Variants in CANX observed in about 807,000 individuals in gnomAD.
The protein encoded by CANX is epididymis secretory sperm binding protein.
A neutral mutation model predicts 75.7 loss-of-function variants in CANX; 14 were observed. That is an observed-to-expected ratio of 0.19 (90% CI 0.12 to 0.29). The LOEUF (loss-of-function observed/expected upper bound fraction) is 0.29, where lower values mean the gene tolerates loss of function less well. Among genes scored for constraint, CANX ranks in the 10% least tolerant of loss-of-function variants. CANX has a pLI of 1.00. For missense variants in CANX, 567 were observed against 713.2 expected, an observed-to-expected ratio of 0.79 and a Z score of 2.34; for synonymous variants, 227 against 236.9, an observed-to-expected ratio of 0.96 and a Z score of 0.38.
chr5:179,721,891 CATAG>C (rs1778332858), intron 10 of CANX, among the ~76,000 whole-genome samples: 2 of 151,888 alleles, frequency 1.3e-5, no homozygotes, highest in African/African-American at 4.8e-5. Flanking sequence ...AGGATCTTGG[CATAG>C]TATATGTATA....
At chr5:179,682,490 C>A (rs780629555) in intron 1 of CANX, among the ~76,000 whole-genome samples, 3 of 152,056 alleles carry the variant, frequency 2.0e-5, no homozygotes, top group Non-Finnish European at 4.4e-5. Flanking sequence ...GCAGGCAAAT[C>A]ACCTGAGGTT....
At chr5:179,687,958 C>T (rs1776219461) in intron 1 of CANX, among the ~76,000 whole-genome samples, 1 of 151,828 alleles carries the variant, frequency 6.6e-6, no homozygotes, top group African/African-American at 2.4e-5. Context: ...TCACTTAAAC[C>T]CAGGAGGTGG....
chr5:179,683,715 G>C (rs1312068656), intron 1 of CANX, among the ~76,000 whole-genome samples: 1 of 151,684 alleles, frequency 6.6e-6, no homozygotes, highest in East Asian at 1.9e-4. Context: ...TGTATTTTTA[G>C]TAGAGATGGG....
chr5:179,702,244 T>C (rs1249057388), intron 1 of CANX, among the ~76,000 whole-genome samples: 7 of 151,832 alleles, frequency 4.6e-5, no homozygotes, highest in Admixed American at 3.3e-4. Context: ...CATAGATACT[T>C]CGCTTTGTTG....
At position 179,684,926 on chromosome 5, in the gene CANX, ATTTTTTTTTTTT is replaced by A. The variant is rs71001039; in HGVS notation, c.-4+6168_-4+6179del. Among the ~76,000 whole-genome samples, 12 of 49,146 alleles carry A rather than the reference ATTTTTTTTTTTT, an allele frequency of 2.4e-4. No homozygotes were observed. The East Asian group carries it at 9.3e-3, about 38-fold the overall frequency. The allele number at this position is 49,146 out of a possible 152,430, so 32.2% of individuals were successfully genotyped here. A position where few individuals can be genotyped will look rare whatever the true frequency, so the allele number is the denominator to read the frequency against. On this transcript the variant is annotated intron_variant, in intron 1 of 14. Coordinates refer to the CANX transcript ENST00000681674. ...TGCCACCACACCTGGCTAATTTTGTATTTTTTTTTTTTTTTTTTTTTTTTTTTTTTACTAGAG... is the reference window on the plus strand; with the variant it reads ...TGCCACCACACCTGGCTAATTTTGTATTTTTTTTTTTTTTTTTTACTAGAG...
chr5:179,724,410 G>C (rs1170308546), intron 12 of CANX, among the ~76,000 whole-genome samples: 1 of 152,106 alleles, frequency 6.6e-6, no homozygotes, highest in Non-Finnish European at 1.5e-5. Flanking sequence ...CAGTCACCTT[G>C]ACTTTTTTGA....
At chr5:179,722,502 C>T (rs1208624587) in intron 10 of CANX, among the ~76,000 whole-genome samples, 4 of 152,240 alleles carry the variant, frequency 2.6e-5, no homozygotes, top group African/African-American at 9.6e-5. Context: ...TATGCTCCCA[C>T]TCTCATTAGC....
At chr5:179,696,539 G>A (rs1294731881), upstream of CANX, among the ~76,000 whole-genome samples, 8 of 152,072 alleles carry the variant, frequency 5.3e-5, no homozygotes, top group African/African-American at 9.7e-5. Context: ...GCCTCCCAAA[G>A]TGCTGGCATT....
In CANX at chr5:179,720,387, T is replaced by G. The variant is rs1257199958; in HGVS notation, c.1026-17T>G. 6.2e-7 allele frequency: 1 copy of G among 1,611,448 alleles called. No individual in the cohort carries two copies. Among genetic ancestry groups the G allele is most frequent in the South Asian group, 1.1e-5 (1 of 90,984 alleles). Reference sequence around the variant, plus strand: ...ATCACAGAACCTGTTTATAATTTGTTGTTTGTACCTCCGTAGGGATGAAGA... The same window carrying G: ...ATCACAGAACCTGTTTATAATTTGTGGTTTGTACCTCCGTAGGGATGAAGA... On this transcript the variant is annotated splice_polypyrimidine_tract_variant and intron_variant, in intron 9 of 14. Transcript: ENST00000247461.
intron 1 of CANX, among the ~76,000 whole-genome samples, chr5:179,685,346 C>T (rs1776171442): frequency 6.6e-6 from 1 of 151,868 alleles, no homozygotes; most frequent in South Asian, 2.1e-4. Flanking sequence ...GCAATCTTGG[C>T]TCACTGCAAC....
At chr5:179,682,721 A>AC (rs1776099723) in intron 1 of CANX, among the ~76,000 whole-genome samples, 1 of 151,750 alleles carries the variant, frequency 6.6e-6, no homozygotes, top group Non-Finnish European at 1.5e-5. Flanking sequence ...AAAAAAAAAA[A>AC]AAAAAAACCC....
chr5:179,726,316 C>T (rs886096325), intron 13 of CANX, among the ~76,000 whole-genome samples: 2 of 151,702 alleles, frequency 1.3e-5, no homozygotes, highest in African/African-American at 2.4e-5. Flanking sequence ...CGATGGCTCA[C>T]GCCTGTAATC....
At chr5:179,720,630 G>A in intron 10 of CANX, 70 bp downstream of exon 10, 1 of 1,412,012 alleles carries the variant, frequency 7.1e-7, no homozygotes, top group Non-Finnish European at 1.0e-6. Flanking sequence ...TTTATCTAGA[G>A]TAAGGCTGCC....
At chr5:179,724,884 G>C in intron 13 of CANX, 101 bp downstream of exon 13, 1 of 1,444,912 alleles carries the variant, frequency 6.9e-7, no homozygotes, top group Non-Finnish European at 9.2e-7. Flanking sequence ...AGGCGTGGTG[G>C]CTCAAGCCTG....
chr5:179,723,475 T>G, intron 11 of CANX, 185 bp from the exon 12 acceptor site: 1 of 551,234 alleles, frequency 1.8e-6, no homozygotes, highest in Admixed American at 3.8e-5. Flanking sequence ...TGAAATCATC[T>G]TGATTATAAG....
chr5:179,722,732 T>C (rs917039479), intron 10 of CANX, 72 bp from the exon 11 acceptor site: 9 of 1,015,948 alleles, frequency 8.9e-6, no homozygotes, highest in Middle Eastern at 2.3e-4. Flanking sequence ...AAAATTTCTC[T>C]TACGGTAGAT....
intron 12 of CANX, among the ~76,000 whole-genome samples, chr5:179,724,270 A>G (rs1349745050): frequency 6.6e-6 from 1 of 152,016 alleles, no homozygotes; most frequent in Admixed American, 6.6e-5. Context: ...AAAAAAAGAA[A>G]GTCTTATTTT....
intron 4 of CANX, among the ~76,000 whole-genome samples, chr5:179,707,667 T>A (rs1227498897): frequency 6.8e-5 from 10 of 146,446 alleles, no homozygotes; most frequent in South Asian, 2.1e-4. Context: ...TTTTTTTTTT[T>A]ATTTAAGGTT....
chr5:179,712,914 AT>A (rs59991190), intron 7 of CANX, among the ~76,000 whole-genome samples: 38,708 of 141,298 alleles, frequency 0.27, 5,263 homozygotes, highest in Non-Finnish European at 0.3. Flanking sequence ...TATTATTATT[AT>A]TTTTTTTTTT....
Sources: gnomAD v4.1 joint callset for allele counts (sites outside exome capture counted in the v4.1 genomes callset) on GRCh38, gnomAD v4.1.1 for gene constraint, MANE v1.5 for transcripts, NCBI Gene and HGNC (gene_info 2026-07-23, HGNC 2026-07-21) for gene names.